Variants in SOCS5 observed in about 807,000 individuals in gnomAD.
The protein encoded by SOCS5 is CIS-6.
Under a neutral mutation model 42.8 loss-of-function variants are expected in SOCS5, and 32 were observed. That is an observed-to-expected ratio of 0.75 (90% confidence interval 0.56 to 1.01). The LOEUF (loss-of-function observed/expected upper bound fraction) is 1.01, where lower values mean the gene tolerates loss of function less well. Ranked by LOEUF, SOCS5 falls within the 50% of genes least tolerant of loss-of-function variation. The pLI, the probability that SOCS5 is intolerant of heterozygous loss-of-function variation, is 0.00. For missense variants in SOCS5, 627 were observed against 653.0 expected (o/e 0.96, Z 0.43); for synonymous variants, 283 against 229.6 (o/e 1.23, Z -2.10).
At chr2:46,753,448 T>C (rs1217698074) in intron 1 of SOCS5, among the ~76,000 whole-genome samples, 1 of 152,224 alleles carries the variant, frequency 6.6e-6, no homozygotes, top group East Asian at 1.9e-4. Context: ...AAGGGATACA[T>C]ACCTTAAGTA....
chr2:46,755,950 T>A (rs764417506), intron 1 of SOCS5, among the ~76,000 whole-genome samples: 1 of 152,156 alleles, frequency 6.6e-6, no homozygotes, highest in Non-Finnish European at 1.5e-5. Flanking sequence ...AAATCAACTA[T>A]CTTTCTCCAT....
intron 1 of SOCS5, among the ~76,000 whole-genome samples, chr2:46,715,702 GT>G (rs1416256542): frequency 6.6e-6 from 1 of 152,178 alleles, no homozygotes; most frequent in African/African-American, 2.4e-5. Context: ...TATATAATAT[GT>G]TTTTTTCCTT....
chr2:46,755,382 T>C (rs1418809010), intron 1 of SOCS5, among the ~76,000 whole-genome samples: 1 of 152,174 alleles, frequency 6.6e-6, no homozygotes, highest in African/African-American at 2.4e-5. Flanking sequence ...GAAGGACCAT[T>C]GACTGTACTA....
intron 1 of SOCS5, among the ~76,000 whole-genome samples, chr2:46,720,819 A>G (rs983594820): frequency 2.0e-5 from 3 of 152,138 alleles, no homozygotes; most frequent in African/African-American, 7.2e-5. Context: ...GGCCCTTAAT[A>G]TAAGTGTGTG....
chr2:46,700,978 A>C (rs1672330390), intron 1 of SOCS5, among the ~76,000 whole-genome samples: 1 of 152,228 alleles, frequency 6.6e-6, no homozygotes, highest in African/African-American at 2.4e-5. Context: ...TTTATCCATC[A>C]GAGAAAACAT....
At chr2:46,700,037 G>A (rs1435345170) in intron 1 of SOCS5, among the ~76,000 whole-genome samples, 1 of 152,174 alleles carries the variant, frequency 6.6e-6, no homozygotes, top group African/African-American at 2.4e-5. Context: ...ATGCGGAGGC[G>A]GGAGCTGGAA....
intron 1 of SOCS5, among the ~76,000 whole-genome samples, chr2:46,732,464 C>T (rs1446624221): frequency 6.6e-6 from 1 of 152,184 alleles, no homozygotes; most frequent in African/African-American, 2.4e-5. Flanking sequence ...CTGGTGTCTC[C>T]AGAAAACTCC....
intron 1 of SOCS5, among the ~76,000 whole-genome samples, chr2:46,730,296 T>C (rs1673087028): frequency 2.6e-5 from 4 of 152,126 alleles, no homozygotes; most frequent in African/African-American, 9.7e-5. Context: ...ACTTTTGAGA[T>C]TGGCTTAGAT....
intron 1 of SOCS5, among the ~76,000 whole-genome samples, chr2:46,751,066 A>G (rs537785928): frequency 5.3e-5 from 8 of 152,262 alleles, no homozygotes; most frequent in African/African-American, 1.9e-4. Context: ...CCAAATAATA[A>G]TAGAAGAAAT....
At chr2:46,715,371 CAAA>C (rs70940637) in intron 1 of SOCS5, among the ~76,000 whole-genome samples, 1 of 108,858 alleles carries the variant, frequency 9.2e-6, no homozygotes, top group Non-Finnish European at 1.8e-5. Context: ...AACACCCTGT[CAAA>C]AAAAAAAAAA....
chr2:46,716,277 C>G (rs931412208), intron 1 of SOCS5, among the ~76,000 whole-genome samples: 8 of 151,342 alleles, frequency 5.3e-5, no homozygotes, highest in Admixed American at 2.0e-4. Context: ...TTTACTTACC[C>G]CAGCCATTTC....
At chr2:46,707,697 T>C (rs1672528321) in intron 1 of SOCS5, among the ~76,000 whole-genome samples, 1 of 152,176 alleles carries the variant, frequency 6.6e-6, no homozygotes. Context: ...ATCATAGCAG[T>C]CATAAAGAGA....
At chr2:46,731,235 A>G (rs1316522605) in intron 1 of SOCS5, among the ~76,000 whole-genome samples, 1 of 152,060 alleles carries the variant, frequency 6.6e-6, no homozygotes, top group Non-Finnish European at 1.5e-5. Context: ...TGAGGATGAT[A>G]CCCTCATGAA....
At chr2:46,749,878 T>G (rs1673587323) in intron 1 of SOCS5, among the ~76,000 whole-genome samples, 1 of 152,168 alleles carries the variant, frequency 6.6e-6, no homozygotes, top group African/African-American at 2.4e-5. Context: ...ATTTGTGGCA[T>G]GACCCAGAAG....
At chr2:46,747,656 C>G (rs1334431875) in intron 1 of SOCS5, among the ~76,000 whole-genome samples, 2 of 152,106 alleles carry the variant, frequency 1.3e-5, no homozygotes, top group South Asian at 4.1e-4. Flanking sequence ...ATTGTACTTA[C>G]ACGTAGTACT....
intron 1 of SOCS5, among the ~76,000 whole-genome samples, chr2:46,722,013 G>A (rs1381559930): frequency 1.3e-5 from 2 of 151,596 alleles, no homozygotes; most frequent in African/African-American, 4.8e-5. Context: ...CTATTTCAAG[G>A]ACCCAATGAA....
rs376561672 is a variant in SOCS5 at position 46,732,362 on chromosome 2, T to C, written c.-12-26157T>C. Among the ~76,000 whole-genome samples the C allele has an allele frequency of 7.9e-5, 12 of 152,034 alleles. No homozygotes were observed. The East Asian group carries it at 2.1e-3, about 27-fold the overall frequency. ...TGAACTGAGACTTGCCGAATGAGTG[T>C]AGTAATGTTTTTGCTAGGTATAGTG... On this transcript the variant is annotated intron_variant, in intron 1 of 1. Transcript: ENST00000394861.
chr2:46,746,659 A>AG (rs1221254479), intron 1 of SOCS5, among the ~76,000 whole-genome samples: 2 of 151,846 alleles, frequency 1.3e-5, no homozygotes, highest in East Asian at 3.9e-4. Context: ...AAAAAAAAAA[A>AG]GATCCCATCA....
rs375875402 is a variant in SOCS5 at position 46,730,570 on chromosome 2, AGCCTGG to A, written c.-12-27946_-12-27941del. Among the ~76,000 whole-genome samples the A allele has an allele frequency of 6.7e-4, 102 of 152,336 alleles. No homozygotes were observed. The East Asian group carries it at 0.015, about 22-fold the overall frequency. ...AGCCAAGATTGTGCCACTGCAGTCC[AGCCTGG>A]GCGACAGAGTGAGACTCTGTCTCAA... On this transcript the variant is annotated intron_variant, in intron 1 of 1. Transcript: ENST00000394861.
Sources: gnomAD v4.1 joint callset for allele counts (sites outside exome capture counted in the v4.1 genomes callset) on GRCh38, gnomAD v4.1.1 for gene constraint, MANE v1.5 for transcripts, NCBI Gene and HGNC (gene_info 2026-07-23, HGNC 2026-07-21) for gene names.